Variants in NCK2 observed in about 807,000 individuals in gnomAD.
The protein encoded by NCK2 is NCK adaptor protein 2, also known as cytoplasmic protein NCK2.
Under a neutral mutation model 33.9 loss-of-function variants are expected in NCK2, and 16 were observed. The ratio of observed to expected loss-of-function variants is 0.47; its 90% CI spans 0.32 to 0.72. NCK2 has a LOEUF of 0.72. NCK2 is among the 30% of genes least tolerant of loss of function. NCK2 has a pLI of 0.03. For missense variants in NCK2, 418 were observed against 537.3 expected (o/e 0.78, Z 2.19); for synonymous variants, 273 against 239.9 (o/e 1.14, Z -1.27).
chr2:105,869,274 GC>G (rs1277946903), intron 3 of NCK2, among the ~76,000 whole-genome samples: 2 of 152,148 alleles, frequency 1.3e-5, no homozygotes, highest in Non-Finnish European at 2.9e-5. Context: ...TGTGTCCCTA[GC>G]CATAACAGCG....
At chr2:105,883,076 C>T (rs1678573867) in intron 4 of NCK2, among the ~76,000 whole-genome samples, 1 of 152,062 alleles carries the variant, frequency 6.6e-6, no homozygotes, top group African/African-American at 2.4e-5. Context: ...GAGGACGGAG[C>T]ATCGTGGTGG....
intron 2 of NCK2, among the ~76,000 whole-genome samples, chr2:105,838,712 G>A (rs1259452093): frequency 6.6e-6 from 1 of 152,186 alleles, no homozygotes; most frequent in African/African-American, 2.4e-5. Context: ...TCTTGTATCT[G>A]TGTGTCTACT....
At chr2:105,826,532 C>T (rs1331331235) in intron 2 of NCK2, among the ~76,000 whole-genome samples, 1 of 152,102 alleles carries the variant, frequency 6.6e-6, no homozygotes, top group Non-Finnish European at 1.5e-5. Flanking sequence ...ATATAGATTA[C>T]CTGATTGGTT....
chr2:105,765,709 G>C (rs909959527), intron 1 of NCK2, among the ~76,000 whole-genome samples: 1 of 151,560 alleles, frequency 6.6e-6, no homozygotes, highest in Non-Finnish European at 1.5e-5. Flanking sequence ...GACATTTTCA[G>C]AAACAGTTGC....
At chr2:105,815,948 T>A (rs1045184563) in intron 1 of NCK2, among the ~76,000 whole-genome samples, 4 of 152,120 alleles carry the variant, frequency 2.6e-5, no homozygotes, top group Non-Finnish European at 5.9e-5. Context: ...GGTCCCTTGA[T>A]TATGGGCTGG....
At chr2:105,761,857 A>C (rs1346404668) in intron 1 of NCK2, among the ~76,000 whole-genome samples, 1 of 152,206 alleles carries the variant, frequency 6.6e-6, no homozygotes, top group Non-Finnish European at 1.5e-5. Flanking sequence ...TCCAGCCTAT[A>C]TGACAGTGAG....
In NCK2 at chr2:105,881,913, A is replaced by G. The variant is rs762133170; in HGVS notation, c.812A>G (p.Tyr271Cys). Residue 271 changes from tyrosine (Y) to cysteine (C), a missense_variant, in exon 4 of 5, where the codon TAC (tyrosine) becomes TGC (cysteine). Tyr to Cys is a radical substitution (Grantham distance 194, BLOSUM62 -2). Coordinates refer to ENST00000233154, the MANE Select transcript of NCK2 (RefSeq NM_003581.5). ...CCTGCGCACGCCCCACAGATAAGCT[A>G]CACCGGGCCCTCGTCCAGCGGGCGC... is the stretch of plus-strand genomic sequence containing the variant. ...LHPAHAPQISYTGPSSSGRFA... is the reference protein window; with the variant it reads ...LHPAHAPQISCTGPSSSGRFA... The G allele has an allele frequency of 6.4e-6, 10 of 1,565,468 alleles. No homozygotes were observed. In the South Asian group the frequency reaches 1.2e-4, roughly 19 times the overall value.
chr2:105,891,573 T>G lies in NCK2; in HGVS notation c.949-1409T>G, dbSNP rs60133553. 3.2e-4 allele frequency among the ~76,000 whole-genome samples: 31 copies of G among 98,352 alleles called. 6 individuals are homozygous for G. The highest frequency in any genetic ancestry group is 1.3e-3 in the South Asian group (4 of 3,024). 64.5% of individuals were successfully genotyped at this position (98,352 alleles called of 152,430 possible). A position where few individuals can be genotyped will look rare whatever the true frequency, so the allele number is the denominator to read the frequency against. On this transcript the variant is annotated intron_variant, in intron 4 of 4. Coordinates refer to ENST00000233154, the MANE Select transcript of NCK2 (RefSeq NM_003581.5). The stretch of plus-strand genomic sequence containing the variant: ...TTTTTTTTTTTTTTTTTTTTTGAGA[T>G]TTTTCGCTCTTGTTGCCCAGACCAG...
At chr2:105,744,835 A>T (rs1469888872), upstream of NCK2, 2 of 158,886 alleles carry the variant, frequency 1.3e-5, no homozygotes, top group East Asian at 3.7e-4. Flanking sequence ...AAGAGCGCGG[A>T]GGAGGCGGGC....
At chr2:105,844,058 T>G (rs1446068904) in intron 2 of NCK2, among the ~76,000 whole-genome samples, 1 of 152,132 alleles carries the variant, frequency 6.6e-6, no homozygotes, top group Non-Finnish European at 1.5e-5. Flanking sequence ...TCCCAAAAGC[T>G]AATACTGGAG....
intron 1 of NCK2, among the ~76,000 whole-genome samples, chr2:105,764,159 T>C (rs1253073500): frequency 2.0e-5 from 3 of 152,256 alleles, no homozygotes; most frequent in Non-Finnish European, 4.4e-5. Context: ...GCATGCTGTT[T>C]GCACGCCTGT....
chr2:105,772,867 G>A (rs1373915863), intron 1 of NCK2, among the ~76,000 whole-genome samples: 1 of 148,584 alleles, frequency 6.7e-6, no homozygotes, highest in Non-Finnish European at 1.5e-5. Flanking sequence ...TGTTCCTGGC[G>A]ACCTCCCACA....
chr2:105,793,164 A>T (rs1391271985), intron 1 of NCK2, among the ~76,000 whole-genome samples: 1 of 152,186 alleles, frequency 6.6e-6, no homozygotes, highest in Non-Finnish European at 1.5e-5. Context: ...CAGATGTAGG[A>T]CATCTTTAAT....
chr2:105,845,802 C>T (rs753461255), intron 2 of NCK2, among the ~76,000 whole-genome samples: 1 of 152,090 alleles, frequency 6.6e-6, no homozygotes, highest in Non-Finnish European at 1.5e-5. Context: ...GACTGTTATC[C>T]GTCTACTTTG....
In NCK2 at chr2:105,808,606, G is replaced by C. The variant is rs184743087; in HGVS notation, c.-200-7824G>C. Among the ~76,000 whole-genome samples, 29 of 152,306 alleles carry C rather than the reference G, an allele frequency of 1.9e-4. No homozygotes were observed. The East Asian group carries it at 5.0e-3, about 26-fold the overall frequency. ...GCTGGGGAGCACGTGAAAAACACCA[G>C]AGGGATGGAGTGCCACGTGACTGCA... On this transcript the variant is annotated intron_variant, in intron 1 of 4. Transcript: ENST00000233154.
At chr2:105,816,059 G>T (rs1675472116) in intron 1 of NCK2, among the ~76,000 whole-genome samples, 1 of 137,166 alleles carries the variant, frequency 7.3e-6, no homozygotes, top group South Asian at 2.5e-4. Flanking sequence ...GGGAATGAAA[G>T]GTGGGAAGAG....
intron 1 of NCK2, among the ~76,000 whole-genome samples, chr2:105,766,148 G>C (rs1689939133): frequency 1.3e-5 from 2 of 152,250 alleles, no homozygotes; most frequent in Non-Finnish European, 2.9e-5. Context: ...GGAGGCGCAG[G>C]TGGGGCTGAG....
rs1479928639 is a variant in NCK2 at position 105,881,669 on chromosome 2, A to G, written c.568A>G (p.Asn190Asp). ...LSLRKGASLSNGQGSRVLHVV... is the reference protein window; with the variant it reads ...LSLRKGASLSDGQGSRVLHVV... ...CCTGCGCAAGGGCGCCTCGCTGAGC[A>G]ATGGCCAGGGCTCCCGCGTGCTGCA... The change falls in exon 4 of 5, where the codon AAT becomes GAT. Residue 190 changes from asparagine (N) to aspartate (D), a missense_variant. Asn to Asp is a conservative substitution (Grantham distance 23, BLOSUM62 1). Transcript: ENST00000233154. 2.5e-6 allele frequency: 4 copies of G among 1,613,292 alleles called. No homozygotes were observed. The highest frequency in any genetic ancestry group is 3.4e-6 in the Non-Finnish European group (4 of 1,179,514).
chr2:105,859,482 G>T (rs544067186), intron 3 of NCK2, among the ~76,000 whole-genome samples: 1 of 152,282 alleles, frequency 6.6e-6, no homozygotes, highest in East Asian at 1.9e-4. Context: ...GGCCTAGCGT[G>T]GTTAGAAACT....
Sources: allele counts gnomAD v4.1 joint callset (sites outside exome capture counted in the v4.1 genomes callset), GRCh38; gene constraint gnomAD v4.1.1; transcripts MANE v1.5; gene names NCBI Gene and HGNC (gene_info 2026-07-23, HGNC 2026-07-21).